DEPDC5: variants seen among roughly 807,000 people sequenced by gnomAD.
DEPDC5 encodes GATOR1 complex protein DEPDC5.
In DEPDC5, 73 loss-of-function variants were observed where a neutral mutation model predicts 217.3. The ratio of observed to expected loss-of-function variants is 0.34; its 90% confidence interval spans 0.28 to 0.41. The LOEUF (loss-of-function observed/expected upper bound fraction) is 0.41. Ranked by LOEUF, DEPDC5 falls within the 10% of genes least tolerant of loss-of-function variation. The probability of loss-of-function intolerance (pLI) is 1.00; values close to 1 mark genes in which losing one functional copy is unlikely to be tolerated. For missense variants in DEPDC5, 1,675 were observed against 2,070.1 expected, an observed-to-expected ratio of 0.81 and a Z score of 3.70; for synonymous variants, 733 against 756.7, an observed-to-expected ratio of 0.97 and a Z score of 0.51.
chr22:31,883,303 C>A (rs79453106), intron 38 of DEPDC5, among the ~76,000 whole-genome samples: 2,187 of 152,250 alleles, frequency 0.014, 20 homozygotes, highest in Middle Eastern at 0.031. Context: ...CTTCCCTAAG[C>A]AGGTGTCAAG....
rs370476198 is a variant in DEPDC5, at chr22:31,784,423, G to A, written c.563-391G>A. 22 of 198,678 alleles carry A rather than the reference G, an allele frequency of 1.1e-4. No homozygotes were observed. In the East Asian group the frequency reaches 2.7e-3, roughly 25 times the overall value. The allele number at this position is 198,678 out of a possible 1,614,324, so 12.3% of individuals were successfully genotyped here. A position where few individuals can be genotyped will look rare whatever the true frequency, so the allele number is the denominator to read the frequency against. On this transcript the variant is annotated intron_variant, in intron 9 of 42. Transcript: ENST00000651528. Reference sequence around the variant, plus strand: ...GTGGGCGGATCACCTGAGGTCAGGAGTTGGAGACCAGCCTGACCAACATCG... The same window carrying A: ...GTGGGCGGATCACCTGAGGTCAGGAATTGGAGACCAGCCTGACCAACATCG...
At position 31,879,571 on chromosome 22, in the gene DEPDC5, C is replaced by A. The variant is rs773340826; in HGVS notation, c.3852C>A (p.Asp1284Glu). Residue 1284 changes from aspartate (D) to glutamate (E), a missense_variant, in exon 38 of 43, where the codon GAC becomes GAA. By Grantham distance (45) the Asp-to-Glu change is conservative. Coordinates refer to ENST00000651528, the MANE Select transcript of DEPDC5 (RefSeq NM_001242896.3). The part of the protein sequence containing the change: ...PATTWHTAGV[D>E]DFASFQRKWF... Reference sequence around the variant, plus strand: ...CCACCTGGCACACAGCAGGAGTGGACGACTTCGCCAGCTTCCAGCGCAAGT... The same window carrying A: ...CCACCTGGCACACAGCAGGAGTGGAAGACTTCGCCAGCTTCCAGCGCAAGT... 7.4e-6 allele frequency: 12 copies of A among 1,612,872 alleles called. No homozygotes were observed. Among genetic ancestry groups the A allele is most frequent in the Non-Finnish European group, 9.3e-6 (11 of 1,180,026 alleles).
Position 31,847,603 on chromosome 22 carries a change from G to A in DEPDC5, c.3155+636G>A, listed in dbSNP as rs185579920. ...GCCCCTTATAAAACCATCACATCTC[G>A]TGAGAACTCACTATCATGAGAACAG... is the stretch of plus-strand genomic sequence containing the variant. On this transcript the variant is annotated intron_variant, in intron 31 of 42. Coordinates refer to ENST00000651528, the MANE Select transcript of DEPDC5 (RefSeq NM_001242896.3). Among the ~76,000 whole-genome samples the A allele has an allele frequency of 8.1e-4, 123 of 152,246 alleles. No homozygotes were observed. The East Asian group carries it at 8.3e-3, about 10-fold the overall frequency.
rs188430781 is a variant in DEPDC5 at position 31,855,366 on chromosome 22, G to A, written c.3156-2079G>A. The stretch of plus-strand genomic sequence containing the variant: ...AAGGATGAAACAATGTGTGAGTTTT[G>A]CTTCAAAATATTTCTTTTTTTTTTT... On this transcript the variant is annotated intron_variant, in intron 31 of 42. Coordinates refer to ENST00000651528, the MANE Select transcript of DEPDC5 (RefSeq NM_001242896.3). 2.5e-3 allele frequency among the ~76,000 whole-genome samples: 380 copies of A among 150,816 alleles called. 2 individuals carry two copies. Among genetic ancestry groups the A allele is most frequent in the African/African-American group, 9.0e-3 (371 of 41,058 alleles).
At chr22:31,817,519 C>T in intron 21 of DEPDC5, 4 of 437,304 alleles carry the variant, frequency 9.1e-6, no homozygotes, top group South Asian at 3.6e-5. Context: ...GACAGGTTCT[C>T]ACTCTGTTGC....
chr22:31,878,761 G>A (rs978094061), intron 37 of DEPDC5, among the ~76,000 whole-genome samples: 2 of 151,830 alleles, frequency 1.3e-5, no homozygotes, highest in Admixed American at 6.6e-5. Flanking sequence ...TTTTAGGGCC[G>A]GGTACGGTGA....
Position 31,857,481 on chromosome 22 carries a change from G to C in DEPDC5, c.3192G>C (p.Gly1064=). The C allele has an allele frequency of 6.2e-7, 1 of 1,611,392 alleles. No homozygotes were observed. The highest frequency in any genetic ancestry group is 8.5e-7 in the Non-Finnish European group (1 of 1,178,944). ...AACAGCAGGCAGCTGTGCATGGTGG[G>C]AAGAGCTCCGCCCAGTCAGCCGAGA... ...LGEQQAAVHG[G]KSSAQSAESS... The change falls in exon 32 of 43, where the codon GGG becomes GGC. Residue 1064 remains glycine (G), a synonymous_variant. Transcript: ENST00000651528.
intron 38 of DEPDC5, among the ~76,000 whole-genome samples, chr22:31,889,686 A>G (rs921354360): frequency 6.6e-6 from 1 of 150,800 alleles, no homozygotes; most frequent in Non-Finnish European, 1.5e-5. Context: ...GACTACAGGC[A>G]CCCGCCACCA....
At chr22:31,863,824 G>A (rs1400245455) in intron 33 of DEPDC5, among the ~76,000 whole-genome samples, 1 of 151,938 alleles carries the variant, frequency 6.6e-6, no homozygotes, top group Non-Finnish European at 1.5e-5. Context: ...TTGAGAGGGT[G>A]AGGGAGGAGA....
intron 7 of DEPDC5, among the ~76,000 whole-genome samples, chr22:31,776,974 T>C (rs1387327871): frequency 6.6e-6 from 1 of 151,904 alleles, no homozygotes; most frequent in African/African-American, 2.4e-5. Flanking sequence ...TTATTATTTT[T>C]TTTTTTGAGA....
chr22:31,864,536 A>G (rs1347075073), intron 33 of DEPDC5, among the ~76,000 whole-genome samples: 5 of 143,066 alleles, frequency 3.5e-5, no homozygotes, highest in African/African-American at 1.0e-4. Flanking sequence ...TTATATATTT[A>G]TTTATTTACT....
At chr22:31,754,712 C>T (rs934452159) in intron 1 of DEPDC5, 150 bp from the exon 2 acceptor site, 2 of 600,996 alleles carry the variant, frequency 3.3e-6, no homozygotes, top group African/African-American at 3.7e-5. Flanking sequence ...CTCCATCGCT[C>T]CTTGTAACTG....
chr22:31,779,886 G>T (rs1474877743), intron 8 of DEPDC5, among the ~76,000 whole-genome samples: 1 of 152,060 alleles, frequency 6.6e-6, no homozygotes. Flanking sequence ...AGAGAGGAAG[G>T]GAAGAGAGAC....
chr22:31,838,258 A>G (rs2091163973), intron 26 of DEPDC5, among the ~76,000 whole-genome samples: 1 of 151,992 alleles, frequency 6.6e-6, no homozygotes, highest in Non-Finnish European at 1.5e-5. Flanking sequence ...TGATTTACAA[A>G]TTGTTAGTAG....
chr22:31,768,551 T>C (rs1385993867), intron 6 of DEPDC5, among the ~76,000 whole-genome samples: 1 of 152,194 alleles, frequency 6.6e-6, no homozygotes, highest in Non-Finnish European at 1.5e-5. Context: ...AAGCTGGTCA[T>C]TTATCATCCA....
rs202083639 is a variant in DEPDC5, at chr22:31,815,071, C to T, written c.1525C>T (p.Arg509Cys). The change falls in exon 21 of 43, where the codon CGC becomes TGC. Residue 509 changes from arginine (R) to cysteine (C), a missense_variant. By Grantham distance (180) the Arg-to-Cys change is radical (BLOSUM62 -3). Transcript: ENST00000651528. ...DVSSSPSLPSRTLPTEEVRSQ... is the reference protein window; with the variant it reads ...DVSSSPSLPSCTLPTEEVRSQ... ...TTCATCCAGCCCTTCCCTACCAAGC[C>T]GCACACTGCCCACTGAGGAAGTGAG... 6.7e-4 allele frequency: 1,085 copies of T among 1,614,028 alleles called. No individual in the cohort carries two copies. The highest frequency in any genetic ancestry group is 8.8e-4 in the Non-Finnish European group (1,039 of 1,180,036).
At chr22:31,839,484 C>T (rs904571093) in intron 27 of DEPDC5, among the ~76,000 whole-genome samples, 1 of 151,698 alleles carries the variant, frequency 6.6e-6, no homozygotes, top group Non-Finnish European at 1.5e-5. Flanking sequence ...AATGAGCTGT[C>T]TTAGTCTCCT....
At chr22:31,791,704 G>T (rs1210211003) in intron 10 of DEPDC5, among the ~76,000 whole-genome samples, 5 of 150,802 alleles carry the variant, frequency 3.3e-5, no homozygotes, top group African/African-American at 7.3e-5. Flanking sequence ...CAAGGCAGGC[G>T]GATCACGAGG....
At chr22:31,900,121 A>C (rs2093623239) in intron 40 of DEPDC5, among the ~76,000 whole-genome samples, 1 of 152,026 alleles carries the variant, frequency 6.6e-6, no homozygotes. Flanking sequence ...ATCTCAGCTC[A>C]CTGCAACCTC....
Sources: gnomAD v4.1 joint callset for allele counts (sites outside exome capture counted in the v4.1 genomes callset) on GRCh38, gnomAD v4.1.1 for gene constraint, MANE v1.5 for transcripts, NCBI Gene and HGNC (gene_info 2026-07-23, HGNC 2026-07-21) for gene names.